USP49: variants seen among roughly 807,000 people sequenced by gnomAD.
USP49 encodes the protein ubiquitin carboxyl-terminal hydrolase 49.
In USP49, 24 loss-of-function variants were observed where a neutral mutation model predicts 58.6. That is an observed-to-expected ratio of 0.41 (90% CI 0.30 to 0.58). The LOEUF (loss-of-function observed/expected upper bound fraction) is 0.58. Ranked by LOEUF, USP49 falls within the 20% of genes least tolerant of loss-of-function variation. USP49 has a pLI of 0.30. For synonymous variants in USP49, 408 were observed against 365.1 expected, an observed-to-expected ratio of 1.12 and a Z score of -1.34; for missense variants, 703 against 866.1, an observed-to-expected ratio of 0.81 and a Z score of 2.36.
intron 3 of USP49, 48 bp from the exon 4 acceptor site, chr6:41,807,059 T>A (rs958876446): frequency 7.7e-7 from 1 of 1,301,298 alleles, no homozygotes; most frequent in Non-Finnish European, 9.8e-7. Context: ...GAAAACACTT[T>A]TAGAAAAATA....
intron 2 of USP49, among the ~76,000 whole-genome samples, chr6:41,889,177 C>T (rs1403964065): frequency 2.0e-5 from 3 of 151,992 alleles, no homozygotes; most frequent in Admixed American, 2.0e-4. Context: ...GGATTACCGG[C>T]ACGTGCCACC....
At chr6:41,800,056 A>AT (rs1772970080) in intron 5 of USP49, 118 bp from the exon 6 acceptor site, 1 of 860,288 alleles carries the variant, frequency 1.2e-6, no homozygotes, top group Non-Finnish European at 1.9e-6. Flanking sequence ...CTGAACCTCA[A>AT]TTTTTTGGGG....
At chr6:41,854,590 C>A (rs1158605748) in intron 3 of USP49, among the ~76,000 whole-genome samples, 1 of 152,040 alleles carries the variant, frequency 6.6e-6, no homozygotes, top group Non-Finnish European at 1.5e-5. Context: ...TTATATGTCT[C>A]CAATGTTCTT....
Position 41,803,367 on chromosome 6 carries a change from A to G in USP49, c.1561+439T>C, listed in dbSNP as rs6458242. On this transcript the variant is annotated intron_variant, in intron 5 of 7. Transcript: ENST00000682992. The surrounding 1 kb of genome is among the most constrained non-coding windows in gnomAD (Gnocchi z 4.1). ...TGCCCAGGCTGGAGTGCAATGGCGC[A>G]ATCTTGGCTCACTGCACCCTCCGCT... Among the ~76,000 whole-genome samples the G allele has an allele frequency of 1, 151,606 of 152,324 alleles. 75,453 individuals carry two copies. The highest frequency in any genetic ancestry group is 1 in the East Asian group (5,180 of 5,180).
intron 5 of USP49, among the ~76,000 whole-genome samples, chr6:41,802,288 T>A (rs1409438507): frequency 2.0e-5 from 3 of 151,790 alleles, no homozygotes; most frequent in Non-Finnish European, 4.4e-5. Context: ...TCCCAAAGTG[T>A]TGGGATTACA....
rs1292720281 is a variant in USP49 at position 41,805,694 on chromosome 6, C to G, written c.1290G>C (p.Gln430His). The part of the protein sequence containing the change: ...TTRRILIPFS[Q>H]RKLTKQVLKV... ...TTAAGACCTGTTTGGTGAGCTTCCT[C>G]TGGGAGAAGGGGATGAGGATCCGGC... is the stretch of plus-strand genomic sequence containing the variant. Residue 430 changes from glutamine (Q) to histidine (H), a missense_variant, in exon 4 of 8, where the codon CAG (glutamine) becomes CAC (histidine). Transcript: ENST00000682992. 2 of 1,614,002 alleles carry G rather than the reference C, an allele frequency of 1.2e-6. No individual in the cohort carries two copies. Among genetic ancestry groups the G allele is most frequent in the Non-Finnish European group, 1.7e-6 (2 of 1,180,006 alleles).
chr6:41,857,879 T>G (rs1357442461), intron 3 of USP49, among the ~76,000 whole-genome samples: 5 of 152,204 alleles, frequency 3.3e-5, no homozygotes, highest in Non-Finnish European at 5.9e-5. Flanking sequence ...GATGGATGAA[T>G]CTCCTGAAAC....
At chr6:41,845,627 T>C (rs1773909292) in intron 3 of USP49, among the ~76,000 whole-genome samples, 1 of 151,874 alleles carries the variant, frequency 6.6e-6, no homozygotes, top group Admixed American at 6.6e-5. Flanking sequence ...TTTGGGGCTG[T>C]AGTGCATTAT....
At chr6:41,851,763 G>T (rs956515775) in intron 3 of USP49, among the ~76,000 whole-genome samples, 18 of 151,336 alleles carry the variant, frequency 1.2e-4, no homozygotes, top group African/African-American at 4.4e-4. Context: ...GACCAGCCTG[G>T]CCAAGATGGT....
intron 7 of USP49, among the ~76,000 whole-genome samples, chr6:41,797,249 C>A (rs903161046): frequency 1.3e-5 from 2 of 152,096 alleles, no homozygotes; most frequent in South Asian, 4.1e-4. Flanking sequence ...CGTGAGCCAC[C>A]GCACCCAGCC....
At position 41,891,800 on chromosome 6, in the gene USP49, T is replaced by C. The variant is rs1231199316; in HGVS notation, c.-109A>G. 1 of 152,324 alleles carries C rather than the reference T, an allele frequency of 6.6e-6. No individual in the cohort carries two copies. The highest frequency in any genetic ancestry group is 6.5e-5 in the Admixed American group (1 of 15,300). The allele number at this position is 152,324 out of a possible 1,614,324, so 9.4% of individuals were successfully genotyped here. ...AGGATAAATTTTTATCTACCTGGAATGATTTAAGTGGGATATTGACTGGAG... is the reference window on the plus strand; with the variant it reads ...AGGATAAATTTTTATCTACCTGGAACGATTTAAGTGGGATATTGACTGGAG... On this transcript the variant is annotated 5_prime_UTR_variant, in exon 2 of 8. Transcript: ENST00000682992.
chr6:41,888,223 T>C (rs1774749658), intron 2 of USP49, among the ~76,000 whole-genome samples: 2 of 151,620 alleles, frequency 1.3e-5, no homozygotes, highest in Admixed American at 1.3e-4. Context: ...CCCAGCTAAT[T>C]TTTGTATTTT....
intron 2 of USP49, among the ~76,000 whole-genome samples, chr6:41,876,751 C>T (rs77086119): frequency 1.4e-3 from 217 of 152,200 alleles, no homozygotes; most frequent in African/African-American, 5.1e-3. Flanking sequence ...TTGGAAGATA[C>T]AAGGCAGAGG....
intron 3 of USP49, among the ~76,000 whole-genome samples, chr6:41,865,821 TC>T (rs1554147656): frequency 3.2e-5 from 4 of 125,852 alleles, no homozygotes; most frequent in African/African-American, 1.3e-4. Flanking sequence ...TTTTTTTTTT[TC>T]CCCCAGAGAC....
chr6:41,857,975 G>A (rs147460952), intron 3 of USP49, among the ~76,000 whole-genome samples: 1 of 152,242 alleles, frequency 6.6e-6, no homozygotes, highest in African/African-American at 2.4e-5. Flanking sequence ...TGTCAACCAG[G>A]GATTTAGCAG....
Position 41,805,639 on chromosome 6 carries a change from G to A in USP49, c.1345C>T (p.Leu449=). 6.2e-7 allele frequency: 1 copy of A among 1,612,310 alleles called. No homozygotes were observed. ...AGGCACACACATACCTGACTGAGCAGCTGCCCATGAAATATGGTATTCACC... is the reference window on the plus strand; with the variant it reads ...AGGCACACACATACCTGACTGAGCAACTGCCCATGAAATATGGTATTCACC... ...KVVNTIFHGQ[L]LSQVTCISCN... The change falls in exon 4 of 8, where the codon CTG becomes TTG. Residue 449 remains leucine (L), a synonymous_variant. Coordinates refer to ENST00000682992, the MANE Select transcript of USP49 (RefSeq NM_001286554.2).
intron 2 of USP49, among the ~76,000 whole-genome samples, chr6:41,890,057 G>C (rs957542830): frequency 1.3e-5 from 2 of 152,120 alleles, no homozygotes; most frequent in African/African-American, 2.4e-5. Context: ...GTTAATGCTG[G>C]ACACCTAGTA....
chr6:41,798,667 T>G (rs1489726594), intron 7 of USP49, 57 bp downstream of exon 7: 2 of 1,612,710 alleles, frequency 1.2e-6, no homozygotes, highest in African/African-American at 1.3e-5. Context: ...AACAATAAAA[T>G]GTGGACAAAT....
chr6:41,802,437 TTTA>T (rs1248480057), intron 5 of USP49, among the ~76,000 whole-genome samples: 3 of 37,522 alleles, frequency 8.0e-5, no homozygotes, highest in African/African-American at 8.7e-5. Flanking sequence ...ATTTTATTTA[TTTA>T]TTTATTTATT....
Sources: gnomAD v4.1 joint callset for allele counts (sites outside exome capture counted in the v4.1 genomes callset) on GRCh38, gnomAD v4.1.1 for gene constraint, Gnocchi (gnomAD v3.1) non-coding constraint, MANE v1.5 for transcripts, NCBI Gene and HGNC (gene_info 2026-07-23, HGNC 2026-07-21) for gene names.